Variants in TP63 observed in about 807,000 individuals in gnomAD.
TP63 encodes the protein tumor protein p63.
TP63 carries 17 observed loss-of-function variants against 82.8 expected under a neutral mutation model. The observed-to-expected ratio is 0.21, with a 90% CI of 0.14 to 0.31. The LOEUF (loss-of-function observed/expected upper bound fraction) is 0.31, where lower values mean the gene tolerates loss of function less well. TP63 is among the 10% of genes least tolerant of loss of function. The pLI is 1.00. For synonymous variants in TP63, 330 were observed against 321.7 expected (o/e 1.03, Z -0.28); for missense variants, 648 against 895.3 (o/e 0.72, Z 3.52).
chr3:189,742,107 G>A (rs1204930205), intron 3 of TP63, among the ~76,000 whole-genome samples: 2 of 151,902 alleles, frequency 1.3e-5, no homozygotes, highest in Admixed American at 1.3e-4. Flanking sequence ...GCTGAGCATG[G>A]TGGCGGGTGC....
At chr3:189,888,155 G>T (rs1453485772) in intron 11 of TP63, among the ~76,000 whole-genome samples, 1 of 152,140 alleles carries the variant, frequency 6.6e-6, no homozygotes, top group East Asian at 1.9e-4. Flanking sequence ...ACCGCGCCTG[G>T]CCACACATTC....
chr3:189,849,684 G>A (rs1213443173), intron 4 of TP63, among the ~76,000 whole-genome samples: 1 of 151,830 alleles, frequency 6.6e-6, no homozygotes, highest in African/African-American at 2.4e-5. Context: ...TTTAATGTCA[G>A]TACTTCCTTT....
At chr3:189,824,145 G>C (rs1729084579) in intron 4 of TP63, among the ~76,000 whole-genome samples, 1 of 152,038 alleles carries the variant, frequency 6.6e-6, no homozygotes, top group African/African-American at 2.4e-5. Context: ...TTTCTCCCAG[G>C]CTGATTGAAA....
chr3:189,618,537 G>T, the TP63 span, among the ~76,000 whole-genome samples: 1 of 152,114 alleles, frequency 6.6e-6, no homozygotes, highest in Non-Finnish European at 1.5e-5. Context: ...CCTAGCATGT[G>T]GTAGGTAAGT....
chr3:189,633,601 T>A (rs1437656708), intron 1 of TP63, among the ~76,000 whole-genome samples: 2 of 152,088 alleles, frequency 1.3e-5, no homozygotes, highest in African/African-American at 4.8e-5. Flanking sequence ...TAAGTAGTTT[T>A]AAATTTTCCT....
rs116327056 is a variant in TP63, at chr3:189,827,462, A to C, written c.579+18936A>C. ...GCACATATAATGGGTCTTAACAAAT[A>C]TTTTTCAGGTAATACCTATTACCTA... is the stretch of plus-strand genomic sequence containing the variant. On this transcript the variant is annotated intron_variant, in intron 4 of 13. Coordinates refer to ENST00000264731, the MANE Select transcript of TP63 (RefSeq NM_003722.5). 8.2e-3 allele frequency among the ~76,000 whole-genome samples: 1,250 copies of C among 152,184 alleles called. 8 individuals carry two copies. The highest frequency in any genetic ancestry group is 0.013 in the Non-Finnish European group (882 of 68,010).
chr3:189,633,514 G>A (rs1173312802), intron 1 of TP63, among the ~76,000 whole-genome samples: 1 of 152,072 alleles, frequency 6.6e-6, no homozygotes, highest in African/African-American at 2.4e-5. Context: ...AGTTTGCTAA[G>A]GATAATGGCC....
chr3:189,744,609 GCCTGGGGTCTGGCC>G (rs1721234435), intron 3 of TP63, among the ~76,000 whole-genome samples: 1 of 152,138 alleles, frequency 6.6e-6, no homozygotes, highest in Non-Finnish European at 1.5e-5. Context: ...TCACCTGCAG[GCCTGGGGTCTGGCC>G]CACCCAGGCT....
chr3:189,614,020 T>C, the TP63 span, among the ~76,000 whole-genome samples: 3 of 152,178 alleles, frequency 2.0e-5, no homozygotes, highest in Non-Finnish European at 2.9e-5. Flanking sequence ...GTGGACTTTT[T>C]GGTTAGGGCT....
intron 13 of TP63, 75 bp from the exon 14 acceptor site, chr3:189,894,131 G>A (rs2108872279): frequency 1.3e-6 from 2 of 1,551,300 alleles, no homozygotes; most frequent in South Asian, 2.3e-5. Context: ...ATCAGGGAAT[G>A]ATAGGATGCT....
intron 3 of TP63, among the ~76,000 whole-genome samples, chr3:189,775,762 A>G (rs975063493): frequency 1.3e-5 from 2 of 152,206 alleles, no homozygotes; most frequent in Admixed American, 1.3e-4. Context: ...TTACCTTAGT[A>G]TGTTTATTGG....
intron 4 of TP63, 82 bp downstream of exon 4, chr3:189,808,608 C>T (rs1459484354): frequency 6.2e-7 from 1 of 1,601,878 alleles, no homozygotes; most frequent in South Asian, 1.1e-5. Flanking sequence ...TCTCCCCCTT[C>T]CCAGTTTAGC....
chr3:189,714,737 C>T (rs918937608), intron 1 of TP63, among the ~76,000 whole-genome samples: 1 of 152,094 alleles, frequency 6.6e-6, no homozygotes, highest in African/African-American at 2.4e-5. Context: ...ACATAAATGA[C>T]AAAGAGTTAA....
intron 1 of TP63, among the ~76,000 whole-genome samples, chr3:189,720,589 C>T (rs889152560): frequency 2.0e-5 from 3 of 151,922 alleles, no homozygotes; most frequent in African/African-American, 7.2e-5. Flanking sequence ...ACAAAATTAG[C>T]CGGGCGTGGT....
chr3:189,647,011 G>T (rs1330296090), intron 1 of TP63, among the ~76,000 whole-genome samples: 1 of 147,072 alleles, frequency 6.8e-6, no homozygotes, highest in African/African-American at 2.5e-5. Flanking sequence ...CGTCAGGCTG[G>T]GTAACTAATG....
At chr3:189,754,608 T>G (rs1722052428) in intron 3 of TP63, among the ~76,000 whole-genome samples, 1 of 152,144 alleles carries the variant, frequency 6.6e-6, no homozygotes, top group African/African-American at 2.4e-5. Flanking sequence ...ATCAAGAAGG[T>G]TGAAAGGATC....
At chr3:189,661,643 G>T (rs977927073) in intron 1 of TP63, among the ~76,000 whole-genome samples, 11 of 152,158 alleles carry the variant, frequency 7.2e-5, no homozygotes, top group African/African-American at 1.9e-4. Context: ...AGTTTTGATA[G>T]AATTGGTACC....
chr3:189,800,546 A>C (rs1726187732), intron 3 of TP63, among the ~76,000 whole-genome samples: 1 of 152,064 alleles, frequency 6.6e-6, no homozygotes. Context: ...TTCAGATAAA[A>C]ATTCCAGGCA....
intron 9 of TP63, among the ~76,000 whole-genome samples, chr3:189,871,420 T>A (rs2108814560): frequency 6.6e-6 from 1 of 152,274 alleles, no homozygotes. Flanking sequence ...TAGTGCTGTG[T>A]GAGTACCCAA....
Sources: gnomAD v4.1 joint callset for allele counts (sites outside exome capture counted in the v4.1 genomes callset) on GRCh38, gnomAD v4.1.1 for gene constraint, MANE v1.5 for transcripts, NCBI Gene and HGNC (gene_info 2026-07-23, HGNC 2026-07-21) for gene names.